COL25A1: variants seen among roughly 807,000 people sequenced by gnomAD.
COL25A1 encodes collagen alpha-1(XXV) chain.
COL25A1 carries 103 observed loss-of-function variants against 128.4 expected under a neutral mutation model. The observed-to-expected ratio is 0.80, with a 90% CI of 0.68 to 0.94. The LOEUF is 0.94. Among genes scored for constraint, COL25A1 ranks in the 40% least tolerant of loss-of-function variants. COL25A1 has a pLI of 0.00. For missense variants in COL25A1, 745 were observed against 840.0 expected (o/e 0.89, Z 1.40); for synonymous variants, 279 against 277.2 (o/e 1.01, Z -0.06).
intron 6 of COL25A1, among the ~76,000 whole-genome samples, chr4:108,997,108 G>A (rs149589860): frequency 0.017 from 2,580 of 152,070 alleles, 94 homozygotes; most frequent in East Asian, 0.14. Context: ...CTACCAGAAG[G>A]CAAGAAATAA....
chr4:109,198,644 T>C lies in COL25A1; in HGVS notation c.367+101939A>G, dbSNP rs565037191. ...TTCTATGCTAGCTCTAGAGCCTCCC[T>C]TCTGAACAGACACAGCAAAGTGTTA... On this transcript the variant is annotated intron_variant, in intron 3 of 37. Coordinates refer to ENST00000399132, the MANE Select transcript of COL25A1 (RefSeq NM_198721.4). Among the ~76,000 whole-genome samples the C allele has an allele frequency of 2.6e-5, 4 of 152,304 alleles. No homozygotes were observed. In the South Asian group the frequency reaches 8.3e-4, roughly 32 times the overall value.
At chr4:108,969,329 T>A (rs1751659971) in intron 8 of COL25A1, among the ~76,000 whole-genome samples, 1 of 152,200 alleles carries the variant, frequency 6.6e-6, no homozygotes, top group Admixed American at 6.5e-5. Context: ...TGATTCAGAC[T>A]CTTTCCTCTC....
In COL25A1 at chr4:109,037,089, C is replaced by T. The variant is rs189821583; in HGVS notation, c.420+11079G>A. On this transcript the variant is annotated intron_variant, in intron 5 of 37. Coordinates refer to ENST00000399132, the MANE Select transcript of COL25A1 (RefSeq NM_198721.4). ...GCAGCACAAAGCTCTTAGAATGCTT[C>T]CATTTCGTCTCCCAGAAGAACATCA... is the stretch of plus-strand genomic sequence containing the variant. Among the ~76,000 whole-genome samples the T allele has an allele frequency of 2.1e-3, 326 of 152,260 alleles. 1 individual carries two copies. The highest frequency in any genetic ancestry group is 3.2e-3 in the Non-Finnish European group (220 of 68,020).
rs555209879 is a variant in COL25A1 at position 108,944,511 on chromosome 4, G to A, written c.493-3074C>T. 8.5e-5 allele frequency among the ~76,000 whole-genome samples: 13 copies of A among 152,150 alleles called. 1 individual carries two copies. The highest frequency in any genetic ancestry group is 2.4e-4 in the African/African-American group (10 of 41,530). On this transcript the variant is annotated intron_variant, in intron 8 of 37. Transcript: ENST00000399132. ...AGGGATCAGAATCTTGATTAGTGGC[G>A]ATAAATCATAATGTCACTTGAAACA...
At chr4:108,855,191 G>T (rs1306547761) in intron 24 of COL25A1, among the ~76,000 whole-genome samples, 25 of 131,948 alleles carry the variant, frequency 1.9e-4, no homozygotes, top group South Asian at 7.3e-4. Context: ...TGTTGTTACT[G>T]TTTTTTTTTT....
intron 33 of COL25A1, among the ~76,000 whole-genome samples, chr4:108,826,141 G>A (rs1244889051): frequency 3.9e-5 from 6 of 152,120 alleles, no homozygotes; most frequent in Non-Finnish European, 5.9e-5. Context: ...TGCAACGTAC[G>A]CTTCTACTGT....
chr4:109,157,725 T>C (rs1405073830), intron 3 of COL25A1, among the ~76,000 whole-genome samples: 2 of 152,184 alleles, frequency 1.3e-5, no homozygotes, highest in Non-Finnish European at 2.9e-5. Flanking sequence ...TTTTGATAGG[T>C]TATTGGTAAC....
At chr4:109,189,664 T>A (rs1002561393) in intron 3 of COL25A1, among the ~76,000 whole-genome samples, 3 of 152,058 alleles carry the variant, frequency 2.0e-5, no homozygotes, top group Non-Finnish European at 4.4e-5. Flanking sequence ...TTTCACAAAG[T>A]CCACCTCAGC....
chr4:109,204,170 A>G lies in COL25A1; in HGVS notation c.367+96413T>C, dbSNP rs80060180. Among the ~76,000 whole-genome samples the G allele has an allele frequency of 0.011, 1,629 of 152,264 alleles. 60 individuals carry two copies. The South Asian group carries it at 0.14, about 13-fold the overall frequency. ...ATTGAGGGTGGAGGGAAGGTGTGGT[A>G]GAAAAACACTCTTTTATCATAATCA... On this transcript the variant is annotated intron_variant, in intron 3 of 37. Coordinates refer to ENST00000399132, the MANE Select transcript of COL25A1 (RefSeq NM_198721.4).
At chr4:109,151,304 A>G (rs1311648608) in intron 3 of COL25A1, among the ~76,000 whole-genome samples, 4 of 152,072 alleles carry the variant, frequency 2.6e-5, no homozygotes, top group African/African-American at 4.8e-5. Context: ...TCCTAACTGG[A>G]GAACCTCCTC....
Position 108,900,993 on chromosome 4 carries a change from T to C in COL25A1, c.834+126A>G. 3 of 681,650 alleles carry C rather than the reference T, an allele frequency of 4.4e-6. No homozygotes were observed. In the East Asian group the frequency reaches 7.8e-5, roughly 18 times the overall value. 42.2% of individuals were successfully genotyped at this position (681,650 alleles called of 1,614,324 possible). On this transcript the variant is annotated intron_variant, in intron 14 of 37. Transcript: ENST00000399132. ...CAAAGTTCTATACTATAGCATATTA[T>C]ACTATTCACAAAATACCCATGTAAG...
At chr4:108,832,974 A>AATAAATAAATAC (rs1553944785) in intron 31 of COL25A1, among the ~76,000 whole-genome samples, 2 of 110,074 alleles carry the variant, frequency 1.8e-5, no homozygotes, top group African/African-American at 7.7e-5. Context: ...CTCAAAAAAT[A>AATAAATAAATAC]ATAAATAAAT....
intron 8 of COL25A1, among the ~76,000 whole-genome samples, chr4:108,957,425 T>C (rs1325966891): frequency 6.6e-6 from 1 of 152,128 alleles, no homozygotes; most frequent in African/African-American, 2.4e-5. Flanking sequence ...ATGGAAGAGC[T>C]TTAAGGTTCA....
intron 31 of COL25A1, chr4:108,834,406 G>T: frequency 6.4e-7 from 1 of 1,550,458 alleles, no homozygotes. Context: ...TGATTTGGTT[G>T]GTAGCAGGGT....
intron 3 of COL25A1, among the ~76,000 whole-genome samples, chr4:109,077,430 A>G (rs935707898): frequency 2.9e-5 from 4 of 140,010 alleles, no homozygotes; most frequent in Middle Eastern, 7.0e-3. Flanking sequence ...TCTTCCCACC[A>G]CCACCCCCCC....
At chr4:109,281,684 T>C (rs1288149746) in intron 3 of COL25A1, among the ~76,000 whole-genome samples, 1 of 152,156 alleles carries the variant, frequency 6.6e-6, no homozygotes, top group African/African-American at 2.4e-5. Context: ...ATATTTTATA[T>C]GCACAAAGCT....
intron 3 of COL25A1, among the ~76,000 whole-genome samples, chr4:109,139,418 A>G (rs1028965830): frequency 1.3e-5 from 2 of 152,110 alleles, no homozygotes; most frequent in Non-Finnish European, 2.9e-5. Context: ...TATGTCCTGA[A>G]TGGTATTGCC....
At chr4:109,018,079 A>AT in intron 5 of COL25A1, among the ~76,000 whole-genome samples, 1 of 152,100 alleles carries the variant, frequency 6.6e-6, no homozygotes, top group Non-Finnish European at 1.5e-5. Flanking sequence ...CACCTATAAA[A>AT]TAACACCTGT....
intron 18 of COL25A1, among the ~76,000 whole-genome samples, chr4:108,885,683 T>C (rs1394845426): frequency 6.6e-6 from 1 of 152,212 alleles, no homozygotes; most frequent in East Asian, 1.9e-4. Context: ...CTGAAAATTC[T>C]CTTTTATGTT....
Sources: allele counts gnomAD v4.1 joint callset (sites outside exome capture counted in the v4.1 genomes callset), GRCh38; gene constraint gnomAD v4.1.1; transcripts MANE v1.5; gene names NCBI Gene and HGNC (gene_info 2026-07-23, HGNC 2026-07-21).